The following CSTPP1 variants were observed in gnomAD, a reference collection of about 807,000 sequenced individuals.
CSTPP1 encodes UPF0705 protein C11orf49.
chr11:46,945,511 A>T, the CSTPP1 span, among the ~76,000 whole-genome samples: 1 of 152,080 alleles, frequency 6.6e-6, no homozygotes, highest in South Asian at 2.1e-4. Context: ...GCTACTTGGG[A>T]GGCTGAGGCA....
the CSTPP1 span, among the ~76,000 whole-genome samples, chr11:47,149,708 G>A: frequency 2.6e-5 from 4 of 152,158 alleles, no homozygotes; most frequent in African/African-American, 2.4e-5. Flanking sequence ...CACAGCATAT[G>A]ATGTGATTAA....
the CSTPP1 span, among the ~76,000 whole-genome samples, chr11:47,049,957 G>T: frequency 6.6e-6 from 1 of 151,464 alleles, no homozygotes; most frequent in Non-Finnish European, 1.5e-5. Context: ...GACAAAATAA[G>T]ATATCAGGTC....
At chr11:47,069,735 GTCTC>G in the CSTPP1 span, among the ~76,000 whole-genome samples, 1 of 151,816 alleles carries the variant, frequency 6.6e-6, no homozygotes, top group Non-Finnish European at 1.5e-5. Context: ...TTGAGACAGA[GTCTC>G]ACTCTGTAGC....
the CSTPP1 span, among the ~76,000 whole-genome samples, chr11:46,972,764 T>C: frequency 6.6e-6 from 1 of 152,278 alleles, no homozygotes; most frequent in East Asian, 1.9e-4. Context: ...CCTCAGTTAG[T>C]AAATGGAAAA....
the CSTPP1 span, among the ~76,000 whole-genome samples, chr11:47,082,380 T>C: frequency 1.3e-5 from 2 of 152,034 alleles, no homozygotes; most frequent in African/African-American, 4.8e-5. Context: ...ACAGAAAGTA[T>C]TTGCAACTTA....
At chr11:47,132,332 C>T in the CSTPP1 span, among the ~76,000 whole-genome samples, 12 of 152,172 alleles carry the variant, frequency 7.9e-5, no homozygotes, top group Non-Finnish European at 1.8e-4. Flanking sequence ...GTGTTTACTG[C>T]AATGCACCAG....
At chr11:46,940,504 G>A in the CSTPP1 span, among the ~76,000 whole-genome samples, 1 of 152,148 alleles carries the variant, frequency 6.6e-6, no homozygotes, top group East Asian at 1.9e-4. Context: ...CCATTGTGCT[G>A]ACAACAAAAT....
the CSTPP1 span, chr11:47,157,321 T>A: frequency 7.8e-7 from 1 of 1,284,082 alleles, no homozygotes; most frequent in Non-Finnish European, 1.0e-6. Flanking sequence ...CCAGGCATTC[T>A]AGGGCCCTTG....
chr11:46,958,078 C>T, the CSTPP1 span, among the ~76,000 whole-genome samples: 1 of 152,162 alleles, frequency 6.6e-6, no homozygotes, highest in Admixed American at 6.6e-5. Context: ...GTGAAAACAA[C>T]GATGAAGACC....
the CSTPP1 span, chr11:47,157,308 G>T: frequency 7.2e-7 from 1 of 1,390,844 alleles, no homozygotes; most frequent in Non-Finnish European, 9.6e-7. Flanking sequence ...TGTTCTGCGC[G>T]GCCCAGGCAT....
chr11:47,087,371 A>G, the CSTPP1 span, among the ~76,000 whole-genome samples: 1 of 152,208 alleles, frequency 6.6e-6, no homozygotes, highest in Non-Finnish European at 1.5e-5. Flanking sequence ...CCTCATTTGC[A>G]TGGAGATAAT....
the CSTPP1 span, among the ~76,000 whole-genome samples, chr11:46,992,251 T>C: frequency 1.3e-5 from 2 of 152,032 alleles, no homozygotes; most frequent in East Asian, 3.8e-4. Context: ...TATTATTTTT[T>C]ATTATACTTT....
At chr11:47,149,086 C>A in the CSTPP1 span, among the ~76,000 whole-genome samples, 1 of 152,220 alleles carries the variant, frequency 6.6e-6, no homozygotes, top group African/African-American at 2.4e-5. Flanking sequence ...AGTGGCCAGT[C>A]TCTCAGACCA....
chr11:46,967,740 A>T, the CSTPP1 span, among the ~76,000 whole-genome samples: 1 of 151,440 alleles, frequency 6.6e-6, no homozygotes, highest in Non-Finnish European at 1.5e-5. Context: ...TGAGGTAAAT[A>T]TTGGATTTAT....
At chr11:47,027,093 A>G in the CSTPP1 span, among the ~76,000 whole-genome samples, 1 of 152,142 alleles carries the variant, frequency 6.6e-6, no homozygotes, top group Non-Finnish European at 1.5e-5. Context: ...TGCTCGGCGC[A>G]TTGATTTTCC....
chr11:47,101,575 C>A, the CSTPP1 span, among the ~76,000 whole-genome samples: 1 of 151,648 alleles, frequency 6.6e-6, no homozygotes, highest in African/African-American at 2.4e-5. Context: ...CATCGGAACC[C>A]TGCAAAGATA....
At chr11:47,030,039 A>G in the CSTPP1 span, among the ~76,000 whole-genome samples, 17 of 152,106 alleles carry the variant, frequency 1.1e-4, no homozygotes, top group African/African-American at 4.1e-4. Context: ...AGGCAGGAGG[A>G]TTGCTTGAAA....
At chr11:46,966,369 C>G in the CSTPP1 span, among the ~76,000 whole-genome samples, 1 of 152,140 alleles carries the variant, frequency 6.6e-6, no homozygotes, top group Non-Finnish European at 1.5e-5. Context: ...TCGAGAAGCT[C>G]TCAGGCTCAT....
At chr11:47,161,225 G>C in the CSTPP1 span, 2 of 1,614,116 alleles carry the variant, frequency 1.2e-6, no homozygotes, top group African/African-American at 2.7e-5. Context: ...GCCCCCTTGT[G>C]GGGGCCAGAC....
Sources: allele counts gnomAD v4.1 joint callset (sites outside exome capture counted in the v4.1 genomes callset), GRCh38; gene constraint gnomAD v4.1.1; transcripts MANE v1.5; gene names NCBI Gene and HGNC (gene_info 2026-07-23, HGNC 2026-07-21).